CSMD2: variants seen among roughly 807,000 people sequenced by gnomAD.
CSMD2 encodes CUB and sushi domain-containing protein 2.
In CSMD2, 130 loss-of-function variants were observed where a neutral mutation model predicts 398.5. That is an observed-to-expected ratio of 0.33 (90% confidence interval 0.28 to 0.38). The LOEUF (loss-of-function observed/expected upper bound fraction) is 0.38, where lower values mean the gene tolerates loss of function less well. Ranked by LOEUF, CSMD2 falls within the 10% of genes least tolerant of loss-of-function variation. The pLI, the probability that CSMD2 is intolerant of heterozygous loss-of-function variation, is 1.00. For missense variants in CSMD2, 3,829 were observed against 4,764.9 expected (o/e 0.80, Z 5.78); for synonymous variants, 1,828 against 1,908.5 (o/e 0.96, Z 1.10).
At chr1:33,739,061 C>A in intron 15 of CSMD2, 79 bp downstream of exon 15, 1 of 1,409,934 alleles carries the variant, frequency 7.1e-7, no homozygotes, top group African/African-American at 1.4e-5. Context: ...AAGGAACCAC[C>A]ATGGCCTGGG....
At chr1:33,692,899 C>T (rs772344290) in intron 25 of CSMD2, 31 bp downstream of exon 25, 42 of 1,604,420 alleles carry the variant, frequency 2.6e-5, no homozygotes, top group South Asian at 4.5e-5. Flanking sequence ...GAACAACTGG[C>T]GATAGTTACT....
intron 44 of CSMD2, chr1:33,592,054 G>C (rs1411023628): frequency 3.1e-6 from 1 of 317,496 alleles, no homozygotes; most frequent in Non-Finnish European, 6.0e-6. Flanking sequence ...GTATTCCTTG[G>C]GAACCTTTGG....
intron 44 of CSMD2, chr1:33,591,823 C>G (rs1322490474): frequency 6.6e-6 from 1 of 152,320 alleles, no homozygotes; most frequent in Non-Finnish European, 1.5e-5. Flanking sequence ...GGCAGAGTCT[C>G]ACTATGTTGC....
At chr1:34,035,117 GA>G (rs1236615411) in intron 2 of CSMD2, among the ~76,000 whole-genome samples, 6 of 152,128 alleles carry the variant, frequency 3.9e-5, no homozygotes, top group Non-Finnish European at 7.4e-5. Flanking sequence ...CACATTAAAT[GA>G]AATGGGCACA....
At chr1:33,756,552 C>CT (rs1438986388) in intron 13 of CSMD2, among the ~76,000 whole-genome samples, 5 of 152,284 alleles carry the variant, frequency 3.3e-5, no homozygotes, top group African/African-American at 1.2e-4. Context: ...GGAAGGTTCA[C>CT]TGCAGGGGGA....
intron 1 of CSMD2, among the ~76,000 whole-genome samples, chr1:34,136,334 C>T (rs1288613300): frequency 2.0e-5 from 3 of 152,216 alleles, no homozygotes; most frequent in Non-Finnish European, 4.4e-5. Flanking sequence ...GTTGAATGTG[C>T]TGTGGATGTT....
At chr1:33,789,337 C>T (rs1449621750) in intron 11 of CSMD2, among the ~76,000 whole-genome samples, 1 of 152,184 alleles carries the variant, frequency 6.6e-6, no homozygotes, top group African/African-American at 2.4e-5. Flanking sequence ...ACCCCAAGCA[C>T]CTACCCATGT....
intron 22 of CSMD2, among the ~76,000 whole-genome samples, chr1:33,701,277 AGCTAGGGCCTGCT>A (rs934238203): frequency 3.9e-4 from 59 of 152,304 alleles, no homozygotes; most frequent in African/African-American, 1.2e-3. Flanking sequence ...TGAGGGCTCC[AGCTAGGGCCTGCT>A]GGGCTTGCCA....
At chr1:33,692,802 A>G in intron 25 of CSMD2, 128 bp downstream of exon 25, 1 of 1,172,100 alleles carries the variant, frequency 8.5e-7, no homozygotes, top group South Asian at 1.4e-5. Context: ...TATAGCAACC[A>G]CTATTGATCA....
chr1:33,611,341 T>C, intron 40 of CSMD2, 91 bp from the exon 41 acceptor site: 1 of 1,113,828 alleles, frequency 9.0e-7, no homozygotes. Context: ...GCCAGAGCCA[T>C]GAGTCCCTGC....
intron 6 of CSMD2, among the ~76,000 whole-genome samples, chr1:33,836,352 G>C (rs945143977): frequency 6.6e-6 from 1 of 152,226 alleles, no homozygotes; most frequent in African/African-American, 2.4e-5. Context: ...CTCAGATCTT[G>C]AGCTGCGTGC....
At chr1:33,622,915 C>A (rs1570979080) in intron 36 of CSMD2, among the ~76,000 whole-genome samples, 1 of 152,248 alleles carries the variant, frequency 6.6e-6, no homozygotes, top group Non-Finnish European at 1.5e-5. Flanking sequence ...AAAGTGGAAA[C>A]AAGCCATTGA....
At position 33,633,475 on chromosome 1, in the gene CSMD2, T is replaced by C. The variant is rs758661302; in HGVS notation, c.5147A>G (p.Asp1716Gly). ...TALNDVVEVH[D>G]GHSQHSRLLS... is the part of the protein sequence containing the mutation. ...GAGCCGCGAGTGCTGGCTGTGGCCG[T>C]CGTGAACCTCCACCACGTCGTTGAG... Residue 1716 changes from aspartate to glycine, a missense_variant, in exon 32 of 71, where the codon GAC becomes GGC. By Grantham distance (94) the Asp-to-Gly change is moderately conservative. Coordinates refer to ENST00000373381, the MANE Select transcript of CSMD2 (RefSeq NM_001281956.2). The surrounding 1 kb of genome is among the most constrained non-coding windows in gnomAD (Gnocchi z 5.0). 1.3e-6 allele frequency: 2 copies of C among 1,554,516 alleles called. No individual in the cohort carries two copies. Among genetic ancestry groups the C allele is most frequent in the South Asian group, 1.2e-5 (1 of 84,202 alleles).
rs779888858 is a variant in CSMD2, at chr1:33,864,654, G to T, written c.921-17658C>A. On this transcript the variant is annotated intron_variant, in intron 5 of 70. Coordinates refer to ENST00000373381, the MANE Select transcript of CSMD2 (RefSeq NM_001281956.2). ...GGCTCTCCTGAGAGCTAAGTACTTCGAGGAACTTGAACTCTACCGTAAACA... is the reference window on the plus strand; with the variant it reads ...GGCTCTCCTGAGAGCTAAGTACTTCTAGGAACTTGAACTCTACCGTAAACA... The T allele has an allele frequency of 1.9e-6, 3 of 1,613,888 alleles. No homozygotes were observed. In the South Asian group the frequency reaches 3.3e-5, roughly 18 times the overall value.
At chr1:33,998,105 TC>T (rs1379381958) in intron 3 of CSMD2, among the ~76,000 whole-genome samples, 2 of 152,164 alleles carry the variant, frequency 1.3e-5, no homozygotes, top group Non-Finnish European at 1.5e-5. Context: ...AATGGATTAA[TC>T]CATTCACGGA....
At chr1:34,002,476 A>C (rs1558230889) in intron 3 of CSMD2, among the ~76,000 whole-genome samples, 1 of 152,226 alleles carries the variant, frequency 6.6e-6, no homozygotes, top group Non-Finnish European at 1.5e-5. Flanking sequence ...TAAAATGGGC[A>C]CATAATAGTT....
chr1:33,642,040 A>G (rs923572990), intron 29 of CSMD2, among the ~76,000 whole-genome samples: 3 of 152,130 alleles, frequency 2.0e-5, no homozygotes, highest in Non-Finnish European at 4.4e-5. Flanking sequence ...TGGAATCTAA[A>G]CTGGGAAGTG....
chr1:33,657,771 A>C (rs1643994490), intron 27 of CSMD2, among the ~76,000 whole-genome samples, 175 bp downstream of exon 27: 1 of 152,164 alleles, frequency 6.6e-6, no homozygotes, highest in Non-Finnish European at 1.5e-5. Flanking sequence ...AACGTGAGTG[A>C]GTGCGTGTGG....
Position 33,635,129 on chromosome 1 carries a change from T to C in CSMD2, c.5086+85A>G. Reference sequence around the variant, plus strand: ...ATTCCCACAATGGGGCTGTATATAATTGGGAGGCGTCTGAGGAATTGCTCA... The same window carrying C: ...ATTCCCACAATGGGGCTGTATATAACTGGGAGGCGTCTGAGGAATTGCTCA... On this transcript the variant is annotated intron_variant, in intron 31 of 70. Coordinates refer to ENST00000373381, the MANE Select transcript of CSMD2 (RefSeq NM_001281956.2). The surrounding 1 kb of genome is among the most constrained non-coding windows in gnomAD (Gnocchi z 5.0). 2 of 806,720 alleles carry C rather than the reference T, an allele frequency of 2.5e-6. No homozygotes were observed. Among genetic ancestry groups the C allele is most frequent in the Non-Finnish European group, 2.1e-6 (1 of 473,548 alleles). The allele number at this position is 806,720 out of a possible 1,614,324, so 50.0% of individuals were successfully genotyped here.
Sources: gnomAD v4.1 joint callset for allele counts (sites outside exome capture counted in the v4.1 genomes callset) on GRCh38, gnomAD v4.1.1 for gene constraint, Gnocchi (gnomAD v3.1) non-coding constraint, MANE v1.5 for transcripts, NCBI Gene and HGNC (gene_info 2026-07-23, HGNC 2026-07-21) for gene names.